Variants in DPYSL2 observed in about 807,000 individuals in gnomAD.
The protein encoded by DPYSL2 is dihydropyrimidinase-related protein 2.
Under a neutral mutation model 69.9 loss-of-function variants are expected in DPYSL2, and 13 were observed. The ratio of observed to expected loss-of-function variants is 0.19; its 90% CI spans 0.12 to 0.30. The LOEUF (loss-of-function observed/expected upper bound fraction) is 0.30. Ranked by LOEUF, DPYSL2 falls within the 10% of genes least tolerant of loss-of-function variation. The probability of loss-of-function intolerance (pLI) is 1.00; values close to 1 mark genes in which losing one functional copy is unlikely to be tolerated. For synonymous variants in DPYSL2, 326 were observed against 359.1 expected (o/e 0.91, Z 1.04); for missense variants, 587 against 918.9 (o/e 0.64, Z 4.67).
rs1802581419 is a variant in DPYSL2 at position 26,624,909 on chromosome 8, A to T, written c.793+602A>T. 6.6e-6 allele frequency among the ~76,000 whole-genome samples: 1 copy of T among 151,964 alleles called. No individual in the cohort carries two copies. Among genetic ancestry groups the T allele is most frequent in the Non-Finnish European group, 1.5e-5 (1 of 67,992 alleles). On this transcript the variant is annotated intron_variant, in intron 4 of 13. Transcript: ENST00000521913. The surrounding 1 kb of genome is among the most constrained non-coding windows in gnomAD (Gnocchi z 4.7). The stretch of plus-strand genomic sequence containing the variant: ...GCCTCTGGGACTCTTGTCAACAAGA[A>T]CCTCGGGGGTTTGCGGGGAAGAGCC...
intron 3 of DPYSL2, among the ~76,000 whole-genome samples, chr8:26,607,050 T>A (rs982029067): frequency 2.0e-5 from 3 of 152,190 alleles, no homozygotes; most frequent in African/African-American, 7.2e-5. Flanking sequence ...GAGTAATCTA[T>A]ATGTAAACAT....
chr8:26,577,326 CG>C, intron 1 of DPYSL2: 2 of 239,796 alleles, frequency 8.3e-6, no homozygotes, highest in Non-Finnish European at 1.6e-5. Flanking sequence ...GGTTCCCGCC[CG>C]CCGCCGTTCC....
intron 1 of DPYSL2, among the ~76,000 whole-genome samples, chr8:26,550,604 G>A (rs1563382731): frequency 6.6e-6 from 1 of 152,164 alleles, no homozygotes; most frequent in Non-Finnish European, 1.5e-5. Context: ...GATATGTTAT[G>A]TCTTTTAGTC....
chr8:26,525,631 T>C (rs1222956056), intron 1 of DPYSL2, among the ~76,000 whole-genome samples: 1 of 152,238 alleles, frequency 6.6e-6, no homozygotes, highest in Non-Finnish European at 1.5e-5. Context: ...TGGCATTTAT[T>C]GAACAATTGA....
Position 26,643,832 on chromosome 8 carries a change from G to A in DPYSL2, c.1284-118G>A, listed in dbSNP as rs925897462. ...GTCAAGCCAAGAAGGGAGAGGAGGC[G>A]TCAAAAGGACTCCACTTGGGTTGGT... On this transcript the variant is annotated intron_variant, in intron 9 of 13. Transcript: ENST00000521913. The surrounding 1 kb of genome is among the most constrained non-coding windows in gnomAD (Gnocchi z 6.5). 30 of 1,384,484 alleles carry A rather than the reference G, an allele frequency of 2.2e-5. No individual in the cohort carries two copies. The highest frequency in any genetic ancestry group is 7.1e-5 in the South Asian group (5 of 69,940). 85.8% of individuals were successfully genotyped at this position (1,384,484 alleles called of 1,614,324 possible). A position where few individuals can be genotyped will look rare whatever the true frequency, so the allele number is the denominator to read the frequency against.
Position 26,553,898 on chromosome 8 carries a change from C to CTTTT in DPYSL2, c.355-28056_355-28053dup, listed in dbSNP as rs35594312. 1.8e-4 allele frequency among the ~76,000 whole-genome samples: 21 copies of CTTTT among 117,058 alleles called. 1 individual carries two copies. The highest frequency in any genetic ancestry group is 4.8e-4 in the East Asian group (2 of 4,130). 76.8% of individuals were successfully genotyped at this position (117,058 alleles called of 152,430 possible). The stretch of plus-strand genomic sequence containing the variant: ...CTCATCAGTACCTGTTATTTTTGGG[C>CTTTT]TTTTTTTTTTTTTTTTTTGAGACGG... On this transcript the variant is annotated intron_variant, in intron 1 of 13. Transcript: ENST00000521913.
In DPYSL2 at chr8:26,587,336, T is replaced by C. The variant is rs327233; in HGVS notation, c.628+3353T>C. On this transcript the variant is annotated intron_variant, in intron 3 of 13. Transcript: ENST00000521913. This position sits in a 1 kb window ranked among gnomAD's most constrained non-coding sequence, Gnocchi z 4.2. Reference sequence around the variant, plus strand: ...ATTGAAGTGAATTGGTACAAAAATCTCCCTCTTCCTCCCAACTCCCCGCCA... The same window carrying C: ...ATTGAAGTGAATTGGTACAAAAATCCCCCTCTTCCTCCCAACTCCCCGCCA... 0.45 allele frequency among the ~76,000 whole-genome samples: 67,720 copies of C among 151,636 alleles called. 15,388 individuals are homozygous for C. The highest frequency in any genetic ancestry group is 0.6 in the South Asian group (2,891 of 4,816).
intron 8 of DPYSL2, among the ~76,000 whole-genome samples, chr8:26,639,209 T>C (rs1802987709): frequency 6.6e-6 from 1 of 152,210 alleles, no homozygotes; most frequent in Non-Finnish European, 1.5e-5. Context: ...TGCTTGATGT[T>C]GCAATCTTGA....
intron 3 of DPYSL2, among the ~76,000 whole-genome samples, chr8:26,602,138 A>ATTTTTTT (rs374443692): frequency 4.4e-5 from 6 of 135,298 alleles, no homozygotes; most frequent in African/African-American, 5.5e-5. Context: ...AACAAAGGAA[A>ATTTTTTT]TTTTTTTTTT....
rs1391703909 is a variant in DPYSL2, at chr8:26,642,228, CT to C, written c.1127-1210del. Among the ~76,000 whole-genome samples the C allele has an allele frequency of 6.6e-5, 10 of 152,206 alleles. No homozygotes were observed. Among genetic ancestry groups the C allele is most frequent in the Admixed American group, 6.5e-4 (10 of 15,282 alleles). On this transcript the variant is annotated intron_variant, in intron 8 of 13. Coordinates refer to ENST00000521913, the MANE Select transcript of DPYSL2 (RefSeq NM_001197293.3). The surrounding 1 kb of genome is among the most constrained non-coding windows in gnomAD (Gnocchi z 5.3). ...GGCAGGTAAATGATCTTCAAGGTGT[CT>C]CCATCAGGTGGAAAGTCAAAAATTC...
chr8:26,626,636 G>A lies in DPYSL2; in HGVS notation c.813G>A (p.Val271=). ...VKDHGVNSFL[V]YMAFKDRFQL... ...CACTAGGGGTAAATTCCTTCCTCGT[G>A]TACATGGCTTTCAAAGATCGCTTCC... is the stretch of plus-strand genomic sequence containing the variant. The change falls in exon 5 of 14, where the codon GTG becomes GTA. Residue 271 remains valine, a synonymous_variant. Transcript: ENST00000521913. The surrounding 1 kb of genome is among the most constrained non-coding windows in gnomAD (Gnocchi z 4.3). 1 of 1,614,154 alleles carries A rather than the reference G, an allele frequency of 6.2e-7. No homozygotes were observed. The highest frequency in any genetic ancestry group is 8.5e-7 in the Non-Finnish European group (1 of 1,180,038).
At position 26,621,165 on chromosome 8, in the gene DPYSL2, A is replaced by G. The variant is rs182594479; in HGVS notation, c.629-2978A>G. On this transcript the variant is annotated intron_variant, in intron 3 of 13. Coordinates refer to ENST00000521913, the MANE Select transcript of DPYSL2 (RefSeq NM_001197293.3). The surrounding 1 kb of genome is among the most constrained non-coding windows in gnomAD (Gnocchi z 4.9). ...TATAGATAAAGAAATAGAATAAGGT[A>G]TAATATATAGAAAAAAGGCAGTAAA... Among the ~76,000 whole-genome samples, 694 of 152,340 alleles carry G rather than the reference A, an allele frequency of 4.6e-3. 2 individuals carry two copies. Among genetic ancestry groups the G allele is most frequent in the Non-Finnish European group, 5.3e-3 (363 of 68,034 alleles).
At chr8:26,612,304 A>G (rs768737366) in intron 3 of DPYSL2, among the ~76,000 whole-genome samples, 3 of 152,244 alleles carry the variant, frequency 2.0e-5, no homozygotes, top group Non-Finnish European at 2.9e-5. Flanking sequence ...ATGAAGAACC[A>G]TAGTTCATCC....
At chr8:26,578,131 G>C in intron 1 of DPYSL2, 1 of 1,570,012 alleles carries the variant, frequency 6.4e-7, no homozygotes, top group Non-Finnish European at 8.6e-7. Flanking sequence ...CAGCGAAGCG[G>C]TTGCACCCTT....
intron 3 of DPYSL2, among the ~76,000 whole-genome samples, chr8:26,600,211 A>G (rs1801960414): frequency 6.6e-6 from 1 of 152,106 alleles, no homozygotes; most frequent in Admixed American, 6.5e-5. Context: ...GTGCATGAAT[A>G]ATGTACATTT....
At chr8:26,528,040 G>C (rs916399531) in intron 1 of DPYSL2, among the ~76,000 whole-genome samples, 2 of 152,140 alleles carry the variant, frequency 1.3e-5, no homozygotes, top group African/African-American at 2.4e-5. Context: ...CTGGCCTCAA[G>C]TGATTCTCCT....
At chr8:26,539,946 GAAAC>G (rs954627644) in intron 1 of DPYSL2, among the ~76,000 whole-genome samples, 1 of 152,028 alleles carries the variant, frequency 6.6e-6, no homozygotes, top group African/African-American at 2.4e-5. Context: ...ATGGCTATAA[GAAAC>G]AAACAAACAA....
At chr8:26,584,614 T>C (rs918854698) in intron 3 of DPYSL2, among the ~76,000 whole-genome samples, 17 of 89,622 alleles carry the variant, frequency 1.9e-4, no homozygotes, top group Admixed American at 4.0e-4. Context: ...GGCTTTGTGC[T>C]TTTTTTTTTT....
chr8:26,605,726 A>G lies in DPYSL2; in HGVS notation c.629-18417A>G, dbSNP rs1359540190. 6.6e-6 allele frequency among the ~76,000 whole-genome samples: 1 copy of G among 152,234 alleles called. No homozygotes were observed. The highest frequency in any genetic ancestry group is 1.5e-5 in the Non-Finnish European group (1 of 68,044). ...TCAGAAAACATAATTTAAAAAATCC[A>G]TACACAATAGCAACATAAAATATAA... On this transcript the variant is annotated intron_variant, in intron 3 of 13. Coordinates refer to ENST00000521913, the MANE Select transcript of DPYSL2 (RefSeq NM_001197293.3). The surrounding 1 kb of genome is among the most constrained non-coding windows in gnomAD (Gnocchi z 4.1).
Sources: allele counts gnomAD v4.1 joint callset (sites outside exome capture counted in the v4.1 genomes callset), GRCh38; gene constraint gnomAD v4.1.1; non-coding constraint Gnocchi (gnomAD v3.1); transcripts MANE v1.5; gene names NCBI Gene and HGNC (gene_info 2026-07-23, HGNC 2026-07-21).